Variants in AUTS2 observed in about 807,000 individuals in gnomAD.
AUTS2 encodes activator of transcription and developmental regulator AUTS2, also known as autism susceptibility gene 2 protein.
Under a neutral mutation model 112.4 loss-of-function variants are expected in AUTS2, and 17 were observed. The observed-to-expected ratio is 0.15, with a 90% confidence interval of 0.10 to 0.23. The LOEUF is 0.23. Ranked by LOEUF, AUTS2 falls within the 10% of genes least tolerant of loss-of-function variation. AUTS2 has a pLI of 1.00. For missense variants in AUTS2, 1,510 were observed against 1,701.6 expected (o/e 0.89, Z 1.98); for synonymous variants, 751 against 702.7 (o/e 1.07, Z -1.09).
chr7:70,368,786 G>A lies in AUTS2; in HGVS notation c.661-66966G>A, dbSNP rs962780738. Among the ~76,000 whole-genome samples, 50 of 152,162 alleles carry A rather than the reference G, an allele frequency of 3.3e-4. 1 individual carries two copies. The highest frequency in any genetic ancestry group is 1.6e-3 in the Admixed American group (24 of 15,270). ...ACCAGAACAATGAGTAGAGCTATAGGTATAAGTAAATAGGGAAGGGATGGC... is the reference window on the plus strand; with the variant it reads ...ACCAGAACAATGAGTAGAGCTATAGATATAAGTAAATAGGGAAGGGATGGC... On this transcript the variant is annotated intron_variant, in intron 4 of 18. Coordinates refer to ENST00000342771, the MANE Select transcript of AUTS2 (RefSeq NM_015570.4).
At chr7:70,620,062 C>T (rs1048282133) in intron 5 of AUTS2, among the ~76,000 whole-genome samples, 3 of 152,180 alleles carry the variant, frequency 2.0e-5, no homozygotes, top group Non-Finnish European at 4.4e-5. Flanking sequence ...CCACCGAGCC[C>T]ATGGCCTTAC....
chr7:69,863,469 A>G (rs1258522859), intron 1 of AUTS2, among the ~76,000 whole-genome samples: 1 of 152,116 alleles, frequency 6.6e-6, no homozygotes, highest in Non-Finnish European at 1.5e-5. Context: ...GTATTCATAT[A>G]AATATATAGG....
At chr7:70,703,154 A>G (rs1809549806) in intron 6 of AUTS2, among the ~76,000 whole-genome samples, 1 of 152,154 alleles carries the variant, frequency 6.6e-6, no homozygotes, top group Non-Finnish European at 1.5e-5. Context: ...GGTGACAGAA[A>G]GGTAAGAGTT....
At chr7:70,615,568 G>C (rs768482170) in intron 5 of AUTS2, among the ~76,000 whole-genome samples, 7 of 78,778 alleles carry the variant, frequency 8.9e-5, no homozygotes, top group East Asian at 6.1e-4. Context: ...TTTATGGCTT[G>C]TTGTTGTTGT....
intron 5 of AUTS2, among the ~76,000 whole-genome samples, chr7:70,455,870 T>C (rs1396062589): frequency 1.3e-5 from 2 of 152,202 alleles, no homozygotes; most frequent in Non-Finnish European, 2.9e-5. Context: ...ATGCATAGCC[T>C]GCCTGGCAAA....
intron 5 of AUTS2, among the ~76,000 whole-genome samples, chr7:70,496,022 C>CT (rs1225574835): frequency 1.7e-5 from 2 of 114,514 alleles, no homozygotes; most frequent in Non-Finnish European, 3.8e-5. Context: ...CACACACACC[C>CT]CCCCCACACA....
At chr7:70,702,376 G>A (rs945869455) in intron 6 of AUTS2, among the ~76,000 whole-genome samples, 1 of 152,280 alleles carries the variant, frequency 6.6e-6, no homozygotes. Context: ...GATTTAGCCC[G>A]TAACCAAGAC....
Position 69,647,433 on chromosome 7 carries a change from A to G in AUTS2, c.309+47471A>G, listed in dbSNP as rs561332506. Among the ~76,000 whole-genome samples, 12 of 151,374 alleles carry G rather than the reference A, an allele frequency of 7.9e-5. No homozygotes were observed. In the South Asian group the frequency reaches 2.5e-3, roughly 31 times the overall value. The stretch of plus-strand genomic sequence containing the variant: ...TGCCATGAGCATTGCTCACTGTAGC[A>G]TCAACTTCCCAGGGTTGAGTGATCC... On this transcript the variant is annotated intron_variant, in intron 1 of 18. Transcript: ENST00000342771.
At chr7:70,319,319 A>C (rs938357777) in intron 4 of AUTS2, among the ~76,000 whole-genome samples, 1 of 152,158 alleles carries the variant, frequency 6.6e-6, no homozygotes, top group Non-Finnish European at 1.5e-5. Flanking sequence ...TGCCAAATGT[A>C]TCCACTGAAG....
At chr7:69,951,744 A>G (rs114160506) in intron 2 of AUTS2, among the ~76,000 whole-genome samples, 2,771 of 152,252 alleles carry the variant, frequency 0.018, 87 homozygotes, top group African/African-American at 0.061. Flanking sequence ...GTGTGATTGT[A>G]GCTGATTTTT....
chr7:70,488,014 G>A (rs1465490360), intron 5 of AUTS2, among the ~76,000 whole-genome samples: 1 of 152,220 alleles, frequency 6.6e-6, no homozygotes, highest in Non-Finnish European at 1.5e-5. Flanking sequence ...CTGGGCAAAT[G>A]CTGCCTGCTC....
intron 4 of AUTS2, among the ~76,000 whole-genome samples, chr7:70,422,228 TA>T (rs376084887): frequency 6.6e-6 from 1 of 152,224 alleles, no homozygotes; most frequent in East Asian, 1.9e-4. Context: ...CTTGCATTTG[TA>T]AAAAAACAAA....
intron 1 of AUTS2, among the ~76,000 whole-genome samples, chr7:69,832,636 A>C (rs7808773): frequency 0.25 from 38,212 of 152,130 alleles, 4,838 homozygotes; most frequent in Middle Eastern, 0.34. Flanking sequence ...TTTGGTGATT[A>C]ACTGAATAAA....
chr7:70,156,636 A>G (rs1042647899), intron 4 of AUTS2, among the ~76,000 whole-genome samples: 5 of 152,016 alleles, frequency 3.3e-5, no homozygotes, highest in Non-Finnish European at 7.4e-5. Context: ...TTCTCTCTCC[A>G]CAAGACCTCA....
chr7:70,736,596 T>A (rs918015584), intron 6 of AUTS2, among the ~76,000 whole-genome samples: 2 of 152,150 alleles, frequency 1.3e-5, no homozygotes, highest in Non-Finnish European at 2.9e-5. Flanking sequence ...AATGCATAAA[T>A]TAGTTGAATG....
In AUTS2 at chr7:69,735,177, A is replaced by G. The variant is rs140406759; in HGVS notation, c.309+135215A>G. On this transcript the variant is annotated intron_variant, in intron 1 of 18. Coordinates refer to ENST00000342771, the MANE Select transcript of AUTS2 (RefSeq NM_015570.4). ...GTTTTTTCATAAACCTTTATGTAGG[A>G]TAATACTACTCCTAAAACACTTTAT... Among the ~76,000 whole-genome samples the G allele has an allele frequency of 1.5e-3, 222 of 152,332 alleles. 1 individual carries two copies. Among genetic ancestry groups the G allele is most frequent in the African/African-American group, 4.5e-3 (186 of 41,574 alleles).
chr7:70,504,658 A>ACAT (rs1798894779), intron 5 of AUTS2, among the ~76,000 whole-genome samples: 1 of 152,206 alleles, frequency 6.6e-6, no homozygotes, highest in South Asian at 2.1e-4. Context: ...AAGTGGACAA[A>ACAT]CATCTAATGT....
At chr7:70,317,698 C>T (rs117611502) in intron 4 of AUTS2, among the ~76,000 whole-genome samples, 1,825 of 152,244 alleles carry the variant, frequency 0.012, 36 homozygotes, top group Middle Eastern at 0.027. Context: ...ACAAAAAGCT[C>T]CCTCAGGCTG....
chr7:69,610,589 A>AAGAC (rs1185471439), intron 1 of AUTS2, among the ~76,000 whole-genome samples: 6 of 152,168 alleles, frequency 3.9e-5, no homozygotes, highest in African/African-American at 1.2e-4. Context: ...GTGCTCCTGG[A>AAGAC]AGACAGTGAC....
Sources: gnomAD v4.1 joint callset for allele counts (sites outside exome capture counted in the v4.1 genomes callset) on GRCh38, gnomAD v4.1.1 for gene constraint, MANE v1.5 for transcripts, NCBI Gene and HGNC (gene_info 2026-07-23, HGNC 2026-07-21) for gene names.